RGS17: variants seen among roughly 807,000 people sequenced by gnomAD.
RGS17 encodes the protein regulator of G-protein signaling 17.
In RGS17, 12 loss-of-function variants were observed where a neutral mutation model predicts 25.5. That is an observed-to-expected ratio of 0.47 (90% CI 0.30 to 0.76). The LOEUF (loss-of-function observed/expected upper bound fraction) is 0.76, where lower values mean the gene tolerates loss of function less well. RGS17 is among the 30% of genes least tolerant of loss of function. The pLI, the probability that RGS17 is intolerant of heterozygous loss-of-function variation, is 0.07. For synonymous variants in RGS17, 71 were observed against 76.9 expected, an observed-to-expected ratio of 0.92 and a Z score of 0.40; for missense variants, 196 against 242.2, an observed-to-expected ratio of 0.81 and a Z score of 1.27.
At chr6:153,039,291 C>T (rs1443218139) in intron 2 of RGS17, among the ~76,000 whole-genome samples, 8 of 152,180 alleles carry the variant, frequency 5.3e-5, no homozygotes, top group African/African-American at 1.9e-4. Context: ...ATAGACACAA[C>T]ATTTTCCAAA....
At chr6:153,024,136 G>C (rs780549639) in intron 4 of RGS17, 126 bp downstream of exon 4, 23 of 636,264 alleles carry the variant, frequency 3.6e-5, no homozygotes, top group African/African-American at 5.5e-5. Context: ...AACAGAAGCT[G>C]AATTATCTAC....
At chr6:153,051,109 A>G (rs1049065222) in intron 1 of RGS17, among the ~76,000 whole-genome samples, 1 of 152,232 alleles carries the variant, frequency 6.6e-6, no homozygotes, top group Non-Finnish European at 1.5e-5. Flanking sequence ...CAGAACTGTG[A>G]GAAATAAATG....
chr6:153,075,322 G>C (rs1776862156), intron 1 of RGS17, among the ~76,000 whole-genome samples: 1 of 152,094 alleles, frequency 6.6e-6, no homozygotes, highest in African/African-American at 2.4e-5. Flanking sequence ...TAAATTATAA[G>C]TACCTTCACT....
intron 1 of RGS17, among the ~76,000 whole-genome samples, chr6:153,048,356 T>C (rs1485598246): frequency 6.6e-6 from 1 of 152,196 alleles, no homozygotes; most frequent in Non-Finnish European, 1.5e-5. Flanking sequence ...AACTGGTATC[T>C]GCTACCCATC....
intron 1 of RGS17, among the ~76,000 whole-genome samples, chr6:153,078,524 A>C (rs754629052): frequency 6.6e-6 from 1 of 151,944 alleles, no homozygotes; most frequent in Non-Finnish European, 1.5e-5. Context: ...ATAAAATACA[A>C]TAGGGTTTAT....
chr6:153,097,266 G>T (rs1777227897), intron 1 of RGS17, among the ~76,000 whole-genome samples: 1 of 149,238 alleles, frequency 6.7e-6, no homozygotes, highest in African/African-American at 2.5e-5. Flanking sequence ...TGCTTGGTAG[G>T]GCTTAGACAA....
rs769957591 is a variant in RGS17 at position 153,024,345 on chromosome 6, T to G, written c.361A>C (p.Lys121Gln). Residue 121 changes from lysine (K) to glutamine (Q), a missense_variant, in exon 4 of 5, where the codon AAG becomes CAG. By Grantham distance (53) the Lys-to-Gln change is moderately conservative. Coordinates refer to ENST00000206262, the MANE Select transcript of RGS17 (RefSeq NM_012419.5). ...ATTACTTTTTTGTTCTGCTCCTTCT[T>G]TAAGTCTTCACAAGCAAGCCAGAAA... Reference protein sequence around the residue: ...LLFWLACEDLKKEQNKKVIEE... With the variant: ...LLFWLACEDLQKEQNKKVIEE... 6.2e-7 allele frequency: 1 copy of G among 1,614,148 alleles called. No individual in the cohort carries two copies. Among genetic ancestry groups the G allele is most frequent in the South Asian group, 1.1e-5 (1 of 91,086 alleles).
intron 3 of RGS17, among the ~76,000 whole-genome samples, chr6:153,026,015 G>A (rs765679287): frequency 2.0e-5 from 3 of 152,074 alleles, no homozygotes; most frequent in Non-Finnish European, 4.4e-5. Context: ...CGTTTGGGAG[G>A]CAGCACGTGG....
rs1160155630 is a variant in RGS17 at position 153,005,252 on chromosome 6, C to G, written c.*6322G>C. 1 of 152,156 alleles carries G rather than the reference C, an allele frequency of 6.6e-6. No individual in the cohort carries two copies. Among genetic ancestry groups the G allele is most frequent in the Non-Finnish European group, 1.5e-5 (1 of 68,028 alleles). 9.4% of individuals were successfully genotyped at this position (152,156 alleles called of 1,614,324 possible). On this transcript the variant is annotated 3_prime_UTR_variant, in exon 5 of 5. Transcript: ENST00000206262. Reference sequence around the variant, plus strand: ...GGAGGATTATTGTAAATTGCGCAGACAGTTCAAGGGAAAAATTCACTTTCA... The same window carrying G: ...GGAGGATTATTGTAAATTGCGCAGAGAGTTCAAGGGAAAAATTCACTTTCA...
At chr6:153,062,051 T>C (rs946911137) in intron 1 of RGS17, among the ~76,000 whole-genome samples, 1 of 152,188 alleles carries the variant, frequency 6.6e-6, no homozygotes, top group African/African-American at 2.4e-5. Flanking sequence ...TGAATAAAGA[T>C]GGCATTGAGA....
intron 1 of RGS17, among the ~76,000 whole-genome samples, chr6:153,070,261 T>C (rs1776768574): frequency 1.3e-5 from 2 of 152,140 alleles, no homozygotes; most frequent in African/African-American, 2.4e-5. Flanking sequence ...GATGATTCTC[T>C]ATTCTCACAT....
At chr6:153,025,996 G>C (rs1433713856) in intron 3 of RGS17, among the ~76,000 whole-genome samples, 1 of 151,998 alleles carries the variant, frequency 6.6e-6, no homozygotes, top group Non-Finnish European at 1.5e-5. Context: ...TTAGTCCATA[G>C]GTACCTCTCG....
At chr6:153,085,262 T>A (rs1226431296) in intron 1 of RGS17, among the ~76,000 whole-genome samples, 3 of 152,206 alleles carry the variant, frequency 2.0e-5, no homozygotes, top group African/African-American at 7.2e-5. Flanking sequence ...AACGTAAATG[T>A]AATCATTGCA....
chr6:153,107,936 T>C (rs1258781327), intron 1 of RGS17, among the ~76,000 whole-genome samples: 2 of 152,228 alleles, frequency 1.3e-5, no homozygotes, highest in Admixed American at 6.5e-5. Context: ...CCATCCGTTA[T>C]TGTGTATATG....
At chr6:153,083,027 C>G (rs188262686) in intron 1 of RGS17, among the ~76,000 whole-genome samples, 5 of 152,254 alleles carry the variant, frequency 3.3e-5, no homozygotes, top group Non-Finnish European at 7.4e-5. Context: ...ACCTGGGAAT[C>G]TTTTGGTTTA....
At chr6:153,071,107 A>G (rs1195257032) in intron 1 of RGS17, among the ~76,000 whole-genome samples, 1 of 149,712 alleles carries the variant, frequency 6.7e-6, no homozygotes, top group Non-Finnish European at 1.5e-5. Context: ...ACACTCATAT[A>G]TATCTTAATA....
intron 1 of RGS17, among the ~76,000 whole-genome samples, chr6:153,071,161 TACAC>T (rs988414276): frequency 6.6e-6 from 1 of 150,478 alleles, no homozygotes; most frequent in African/African-American, 2.4e-5. Context: ...TATGTACATA[TACAC>T]ACACTCATAT....
intron 1 of RGS17, among the ~76,000 whole-genome samples, chr6:153,102,516 G>C (rs116927433): frequency 6.6e-6 from 1 of 152,064 alleles, no homozygotes; most frequent in Non-Finnish European, 1.5e-5. Flanking sequence ...ATCTCATCTC[G>C]TGTTGAGGGA....
At chr6:153,113,763 G>C (rs1407401139) in intron 1 of RGS17, among the ~76,000 whole-genome samples, 1 of 152,086 alleles carries the variant, frequency 6.6e-6, no homozygotes, top group Non-Finnish European at 1.5e-5. Context: ...TTAGAACTCG[G>C]GATTAAGAAA....
Sources: gnomAD v4.1 joint callset for allele counts (sites outside exome capture counted in the v4.1 genomes callset) on GRCh38, gnomAD v4.1.1 for gene constraint, MANE v1.5 for transcripts, NCBI Gene and HGNC (gene_info 2026-07-23, HGNC 2026-07-21) for gene names.